RAB11FIP4: variants seen among roughly 807,000 people sequenced by gnomAD.
RAB11FIP4 encodes rab11 family-interacting protein 4.
Under a neutral mutation model 74.3 loss-of-function variants are expected in RAB11FIP4, and 23 were observed. The observed-to-expected ratio is 0.31, with a 90% CI of 0.22 to 0.44. The LOEUF is 0.44. Ranked by LOEUF, RAB11FIP4 falls within the 20% of genes least tolerant of loss-of-function variation. The pLI is 1.00. For missense variants in RAB11FIP4, 630 were observed against 863.9 expected, an observed-to-expected ratio of 0.73 and a Z score of 3.39; for synonymous variants, 360 against 359.9, an observed-to-expected ratio of 1.00 and a Z score of 0.00.
intron 3 of RAB11FIP4, among the ~76,000 whole-genome samples, chr17:31,447,996 G>A (rs178862): frequency 0.35 from 53,708 of 151,474 alleles, 9,628 homozygotes; most frequent in South Asian, 0.42. Context: ...GATTTTTGGA[G>A]AGACAGGGTC....
intron 9 of RAB11FIP4, 90 bp downstream of exon 9, chr17:31,524,086 C>G: frequency 1.1e-6 from 1 of 906,428 alleles, no homozygotes; most frequent in Non-Finnish European, 1.8e-6. Context: ...AGGAGGCAGC[C>G]TCATGCCTTT....
intron 1 of RAB11FIP4, among the ~76,000 whole-genome samples, chr17:31,406,598 G>GT (rs1597899982): frequency 1.3e-5 from 2 of 152,176 alleles, no homozygotes; most frequent in Non-Finnish European, 2.9e-5. Flanking sequence ...TTCACATCTT[G>GT]TTTACACTTG....
rs573729047 is a variant in RAB11FIP4 at position 31,449,281 on chromosome 17, C to T, written c.336+15159C>T. Among the ~76,000 whole-genome samples the T allele has an allele frequency of 3.3e-5, 5 of 152,138 alleles. No homozygotes were observed. The South Asian group carries it at 8.3e-4, about 25-fold the overall frequency. ...AGCCCCTCCTGCCAACTCAAGCACT[C>T]GCCTTCACAAACAGCCCCTCACCCA... On this transcript the variant is annotated intron_variant, in intron 3 of 14. Coordinates refer to ENST00000621161, the MANE Select transcript of RAB11FIP4 (RefSeq NM_032932.6).
chr17:31,443,593 G>T (rs936239864), intron 3 of RAB11FIP4, among the ~76,000 whole-genome samples: 2 of 150,264 alleles, frequency 1.3e-5, no homozygotes, highest in Non-Finnish European at 2.9e-5. Context: ...CTATGCTTAC[G>T]CACGCAGTCC....
At chr17:31,421,319 A>G (rs552618684) in intron 1 of RAB11FIP4, among the ~76,000 whole-genome samples, 1 of 151,964 alleles carries the variant, frequency 6.6e-6, no homozygotes, top group South Asian at 2.1e-4. Context: ...CCCAGGTTCA[A>G]GTAATTCTCG....
intron 3 of RAB11FIP4, among the ~76,000 whole-genome samples, chr17:31,436,175 C>T (rs1250604443): frequency 6.6e-6 from 1 of 152,200 alleles, no homozygotes; most frequent in African/African-American, 2.4e-5. Context: ...GCACGTTCTT[C>T]TCAACCCCGC....
chr17:31,439,534 T>C (rs2071389620), intron 3 of RAB11FIP4, among the ~76,000 whole-genome samples: 3 of 152,248 alleles, frequency 2.0e-5, no homozygotes, highest in Admixed American at 1.3e-4. Context: ...AATTAGCTAT[T>C]CATATTCTTT....
intron 1 of RAB11FIP4, among the ~76,000 whole-genome samples, chr17:31,431,235 C>T (rs1209317493): frequency 6.6e-6 from 1 of 152,216 alleles, no homozygotes; most frequent in African/African-American, 2.4e-5. Context: ...TCTGTCCTAC[C>T]TCCTGTTACA....
intron 1 of RAB11FIP4, 116 bp downstream of exon 1, chr17:31,392,127 T>G: frequency 8.8e-6 from 6 of 680,488 alleles, no homozygotes; most frequent in Non-Finnish European, 1.1e-5. Flanking sequence ...TCCCTCCCAA[T>G]CCCCTCCCTC....
At chr17:31,522,466 C>A in intron 7 of RAB11FIP4, 71 bp downstream of exon 7, 1 of 1,493,032 alleles carries the variant, frequency 6.7e-7, no homozygotes, top group Non-Finnish European at 9.3e-7. Flanking sequence ...GGCTCCCTGC[C>A]AGCAGCCCGG....
At position 31,409,211 on chromosome 17, in the gene RAB11FIP4, CTACCATTAAG is replaced by C. The variant is rs1214089065; in HGVS notation, c.159+17205_159+17214del. On this transcript the variant is annotated intron_variant, in intron 1 of 14. Transcript: ENST00000621161. ...TTTACAGTGGAGAGACAGTAGCTTC[CTACCATTAAG>C]TACCTTGTCAGTACTTAGGTTTAGG... 3.9e-5 allele frequency among the ~76,000 whole-genome samples: 6 copies of C among 152,236 alleles called. No homozygotes were observed. In the East Asian group the frequency reaches 1.2e-3, roughly 29 times the overall value.
At chr17:31,442,374 A>G (rs1192588105) in intron 3 of RAB11FIP4, among the ~76,000 whole-genome samples, 2 of 152,176 alleles carry the variant, frequency 1.3e-5, no homozygotes, top group Non-Finnish European at 2.9e-5. Context: ...ATAGCTAAGT[A>G]TTTCCCCACA....
intron 3 of RAB11FIP4, among the ~76,000 whole-genome samples, chr17:31,460,367 A>G (rs2071622837): frequency 6.6e-6 from 1 of 152,192 alleles, no homozygotes; most frequent in Non-Finnish European, 1.5e-5. Context: ...CTGGGTCCGA[A>G]TCACAGCTTG....
chr17:31,516,672 A>G lies in RAB11FIP4; in HGVS notation c.337-979A>G, dbSNP rs187443426. Among the ~76,000 whole-genome samples the G allele has an allele frequency of 9.2e-3, 1,400 of 152,216 alleles. 11 individuals carry two copies. The highest frequency in any genetic ancestry group is 0.013 in the Non-Finnish European group (879 of 68,012). On this transcript the variant is annotated intron_variant, in intron 3 of 14. Coordinates refer to ENST00000621161, the MANE Select transcript of RAB11FIP4 (RefSeq NM_032932.6). ...TTTAGTAGAGACGGGGTTTCACCGT[A>G]TTAGCCAGGGTGATCTTGATCTCCT...
rs4794894 is a variant in RAB11FIP4 at position 31,533,461 on chromosome 17, C to G, written c.*1729C>G. On this transcript the variant is annotated 3_prime_UTR_variant, in exon 15 of 15. Coordinates refer to ENST00000621161, the MANE Select transcript of RAB11FIP4 (RefSeq NM_032932.6). ...TCCTTGGGCTCCCCCAAGGGTTCTGCGAAGAGGCAGTGGAAGAAGGCATGA... is the reference window on the plus strand; with the variant it reads ...TCCTTGGGCTCCCCCAAGGGTTCTGGGAAGAGGCAGTGGAAGAAGGCATGA... 6.6e-6 allele frequency: 1 copy of G among 152,102 alleles called. No homozygotes were observed. The highest frequency in any genetic ancestry group is 1.9e-4 in the East Asian group (1 of 5,156). 9.4% of individuals were successfully genotyped at this position (152,102 alleles called of 1,614,324 possible).
At chr17:31,503,449 A>T (rs2072258992) in intron 3 of RAB11FIP4, among the ~76,000 whole-genome samples, 1 of 149,772 alleles carries the variant, frequency 6.7e-6, no homozygotes, top group Non-Finnish European at 1.5e-5. Flanking sequence ...ATAGCAGAAA[A>T]GGGTCTTGGG....
At chr17:31,497,185 G>T (rs1479703053) in intron 3 of RAB11FIP4, among the ~76,000 whole-genome samples, 3 of 152,106 alleles carry the variant, frequency 2.0e-5, no homozygotes, top group Non-Finnish European at 4.4e-5. Flanking sequence ...CCAACATGGT[G>T]AAACCCCATC....
At chr17:31,438,231 C>T (rs72815664) in intron 3 of RAB11FIP4, among the ~76,000 whole-genome samples, 14,473 of 151,966 alleles carry the variant, frequency 0.095, 1,167 homozygotes, top group East Asian at 0.32. Flanking sequence ...GTGGAGAGCC[C>T]GACACTCGGG....
intron 3 of RAB11FIP4, among the ~76,000 whole-genome samples, chr17:31,477,738 G>A (rs993835366): frequency 2.6e-5 from 4 of 152,266 alleles, no homozygotes; most frequent in South Asian, 2.1e-4. Context: ...ATACAAAACC[G>A]AGCCTCTCTT....
Sources: gnomAD v4.1 joint callset for allele counts (sites outside exome capture counted in the v4.1 genomes callset) on GRCh38, gnomAD v4.1.1 for gene constraint, MANE v1.5 for transcripts, NCBI Gene and HGNC (gene_info 2026-07-23, HGNC 2026-07-21) for gene names.